Variants in TENM4 observed in about 807,000 individuals in gnomAD.
TENM4 encodes teneurin-4.
TENM4 carries 82 observed loss-of-function variants against 243.3 expected under a neutral mutation model. The observed-to-expected ratio is 0.34, with a 90% CI of 0.28 to 0.40. TENM4 has a LOEUF of 0.40. TENM4 is among the 10% of genes least tolerant of loss of function. TENM4 has a pLI of 1.00. For missense variants in TENM4, 3,138 were observed against 3,673.3 expected (o/e 0.85, Z 3.77); for synonymous variants, 1,412 against 1,456.3 (o/e 0.97, Z 0.69).
intron 6 of TENM4, among the ~76,000 whole-genome samples, chr11:78,991,974 G>C (rs897745860): frequency 6.6e-6 from 1 of 152,206 alleles, no homozygotes; most frequent in African/African-American, 2.4e-5. Flanking sequence ...ATAATACCAA[G>C]CTATAAGGCT....
chr11:79,205,664 T>C (rs1565249375), intron 3 of TENM4, among the ~76,000 whole-genome samples: 1 of 152,236 alleles, frequency 6.6e-6, no homozygotes, highest in Non-Finnish European at 1.5e-5. Flanking sequence ...TTGTTAGTGC[T>C]GAGTAGCATT....
At chr11:79,185,982 A>T (rs138068622) in intron 3 of TENM4, among the ~76,000 whole-genome samples, 5 of 152,258 alleles carry the variant, frequency 3.3e-5, no homozygotes, top group Admixed American at 6.5e-5. Flanking sequence ...GGTTAGTTTC[A>T]TTGTCCCAAT....
intron 22 of TENM4, among the ~76,000 whole-genome samples, chr11:78,728,884 A>T (rs929560762): frequency 6.6e-6 from 1 of 152,176 alleles, no homozygotes; most frequent in Non-Finnish European, 1.5e-5. Flanking sequence ...CTTCTGTTTC[A>T]TCTTACAAAG....
At chr11:79,312,851 A>G (rs931660632) in intron 1 of TENM4, among the ~76,000 whole-genome samples, 4 of 152,164 alleles carry the variant, frequency 2.6e-5, no homozygotes, top group Admixed American at 6.5e-5. Flanking sequence ...CCTTTCTCTT[A>G]ATGAGATGCA....
At chr11:79,393,369 G>A (rs968527505) in intron 1 of TENM4, among the ~76,000 whole-genome samples, 2 of 152,080 alleles carry the variant, frequency 1.3e-5, no homozygotes, top group African/African-American at 2.4e-5. Flanking sequence ...CTGGGTCTCC[G>A]TTTCCTCATC....
intron 4 of TENM4, among the ~76,000 whole-genome samples, chr11:79,132,248 A>G (rs1460309895): frequency 6.8e-6 from 1 of 147,802 alleles, no homozygotes; most frequent in Non-Finnish European, 1.5e-5. Flanking sequence ...CAGGAGGCTG[A>G]GGCAGGAGAA....
chr11:78,695,153 C>T (rs1050485146), intron 28 of TENM4, among the ~76,000 whole-genome samples: 6 of 151,644 alleles, frequency 4.0e-5, no homozygotes, highest in African/African-American at 1.5e-4. Context: ...CTGAAAAGTG[C>T]TCTTCCTGCC....
chr11:79,347,212 T>C (rs1471260276), intron 1 of TENM4, among the ~76,000 whole-genome samples: 2 of 152,198 alleles, frequency 1.3e-5, no homozygotes, highest in East Asian at 3.9e-4. Context: ...AAAATGTGTC[T>C]GCTACATAAA....
intron 6 of TENM4, among the ~76,000 whole-genome samples, chr11:79,018,745 G>A (rs1858844306): frequency 6.6e-6 from 1 of 152,176 alleles, no homozygotes; most frequent in African/African-American, 2.4e-5. Context: ...GGGAGAAATG[G>A]AAGTGATTCA....
At chr11:79,362,550 T>C (rs139780964) in intron 1 of TENM4, among the ~76,000 whole-genome samples, 28 of 152,308 alleles carry the variant, frequency 1.8e-4, no homozygotes, top group African/African-American at 5.5e-4. Flanking sequence ...GTTCCCACAC[T>C]CTCTGACATC....
chr11:79,298,492 G>A (rs1224824005), intron 1 of TENM4, among the ~76,000 whole-genome samples: 5 of 143,250 alleles, frequency 3.5e-5, no homozygotes, highest in Admixed American at 7.0e-5. Context: ...TCCGCAGTCC[G>A]GCCTGGGTGA....
At chr11:79,038,125 A>T (rs978681856) in intron 6 of TENM4, among the ~76,000 whole-genome samples, 2 of 152,240 alleles carry the variant, frequency 1.3e-5, no homozygotes, top group Non-Finnish European at 2.9e-5. Context: ...TTTGTTCATC[A>T]TTGTATTCCC....
At chr11:78,939,505 C>A (rs1307618208) in intron 6 of TENM4, among the ~76,000 whole-genome samples, 2 of 152,206 alleles carry the variant, frequency 1.3e-5, no homozygotes, top group African/African-American at 2.4e-5. Context: ...CCAAAAAACT[C>A]TTTCTTGCTC....
chr11:79,279,030 G>A (rs541334432), intron 2 of TENM4, among the ~76,000 whole-genome samples: 4 of 152,248 alleles, frequency 2.6e-5, no homozygotes, highest in East Asian at 1.9e-4. Context: ...TTTCAGGCAC[G>A]TGCACAGGTG....
At chr11:79,439,663 CCACACACACA>C (rs141828517) in intron 1 of TENM4, among the ~76,000 whole-genome samples, 40 of 146,724 alleles carry the variant, frequency 2.7e-4, no homozygotes, top group African/African-American at 1.0e-3. Flanking sequence ...GTGTGTGTGT[CCACACACACA>C]CACACACACA....
At chr11:79,234,338 A>C (rs1469369330) in intron 2 of TENM4, among the ~76,000 whole-genome samples, 1 of 152,206 alleles carries the variant, frequency 6.6e-6, no homozygotes, top group African/African-American at 2.4e-5. Context: ...AGCGAAGGGA[A>C]GGTTTGGCCC....
chr11:78,672,222 C>A lies in TENM4; in HGVS notation c.5604G>T (p.Ala1868=), dbSNP rs778190541. 6.2e-7 allele frequency: 1 copy of A among 1,614,060 alleles called. No individual in the cohort carries two copies. Among genetic ancestry groups the A allele is most frequent in the Middle Eastern group, 1.6e-4 (1 of 6,062 alleles). The change falls in exon 31 of 34, where the codon GCG becomes GCT. Residue 1868 remains alanine (A), a synonymous_variant. Coordinates refer to ENST00000278550, the MANE Select transcript of TENM4 (RefSeq NM_001098816.3). ...KFTLRILYDQ[A]GRPSLWSPSS... ...TGGGTGACCAGAGGCTGGGCCGCCC[C>A]GCCTGGTCGTACAGAATCCGAAGGG...
intron 9 of TENM4, among the ~76,000 whole-genome samples, chr11:78,888,305 T>C (rs1855588913): frequency 6.6e-6 from 1 of 152,226 alleles, no homozygotes; most frequent in Non-Finnish European, 1.5e-5. Context: ...CACAGCATTC[T>C]AGGCAGCAGC....
chr11:78,982,275 C>T (rs956865827), intron 6 of TENM4, among the ~76,000 whole-genome samples: 1 of 152,136 alleles, frequency 6.6e-6, no homozygotes, highest in African/African-American at 2.4e-5. Context: ...TTGTGACACT[C>T]CTTGTCTAAC....
Sources: gnomAD v4.1 joint callset for allele counts (sites outside exome capture counted in the v4.1 genomes callset) on GRCh38, gnomAD v4.1.1 for gene constraint, MANE v1.5 for transcripts, NCBI Gene and HGNC (gene_info 2026-07-23, HGNC 2026-07-21) for gene names.